The following PPP1R13L variants were observed in gnomAD, a reference collection of about 807,000 sequenced individuals.
PPP1R13L encodes the protein protein phosphatase 1 regulatory subunit 13 like, also known as relA-associated inhibitor.
PPP1R13L carries 50 observed loss-of-function variants against 80.9 expected under a neutral mutation model. That is an observed-to-expected ratio of 0.62 (90% confidence interval 0.49 to 0.78). PPP1R13L has a LOEUF of 0.78. Ranked by LOEUF, PPP1R13L falls within the 30% of genes least tolerant of loss-of-function variation. PPP1R13L has a pLI of 0.00. For missense variants in PPP1R13L, 1,200 were observed against 1,205.9 expected (o/e 1.00, Z 0.07); for synonymous variants, 602 against 534.3 (o/e 1.13, Z -1.75).
intron 8 of PPP1R13L, among the ~76,000 whole-genome samples, chr19:45,391,624 G>C (rs1972974183): frequency 6.6e-6 from 1 of 152,168 alleles, no homozygotes; most frequent in African/African-American, 2.4e-5. Flanking sequence ...CCTGGCTGGA[G>C]GGCAGACTTG....
Position 45,391,965 on chromosome 19 carries a change from G to A in PPP1R13L, c.1730C>T (p.Ala577Val). 6.6e-7 allele frequency: 1 copy of A among 1,518,734 alleles called. No individual in the cohort carries two copies. The highest frequency in any genetic ancestry group is 8.8e-7 in the Non-Finnish European group (1 of 1,135,382). The allele number at this position is 1,518,734 out of a possible 1,614,324, so 94.1% of individuals were successfully genotyped here. A position where few individuals can be genotyped will look rare whatever the true frequency, so the allele number is the denominator to read the frequency against. ...SPITEGSEAR[A>V]GPPAPAPPAP... The stretch of plus-strand genomic sequence containing the variant: ...TGGTGGGGCAGGAGCAGGGGGCCCT[G>A]CCCTGGCCTCAGATCCCTCAGTGAT... Residue 577 changes from alanine (A) to valine (V), a missense_variant, in exon 8 of 13, where the codon GCA (alanine) becomes GTA (valine). Ala to Val is a moderately conservative substitution (Grantham distance 64, BLOSUM62 0). Transcript: ENST00000360957.
At chr19:45,397,861 T>C in intron 3 of PPP1R13L, 144 bp downstream of exon 3, 1 of 1,090,994 alleles carries the variant, frequency 9.2e-7, no homozygotes, top group Non-Finnish European at 1.3e-6. Flanking sequence ...CCATCGCGCC[T>C]GGCCTGGTCC....
At chr19:45,387,250 AG>A (rs1197654768) in intron 8 of PPP1R13L, among the ~76,000 whole-genome samples, 1 of 152,070 alleles carries the variant, frequency 6.6e-6, no homozygotes, top group Admixed American at 6.6e-5. Flanking sequence ...CCTGGGCAAC[AG>A]AGTGAGACCC....
intron 7 of PPP1R13L, 38 bp from the exon 8 acceptor site, chr19:45,392,378 A>G (rs767328247): frequency 6.3e-7 from 1 of 1,593,020 alleles, no homozygotes; most frequent in Non-Finnish European, 8.6e-7. Flanking sequence ...ACAGGTCCCC[A>G]GGAGACACCC....
At chr19:45,393,126 C>G (rs1358262573) in intron 7 of PPP1R13L, 1 of 151,060 alleles carries the variant, frequency 6.6e-6, no homozygotes, top group African/African-American at 2.5e-5. Flanking sequence ...GCGGAGGTTG[C>G]AGTGAGCCGA....
intron 6 of PPP1R13L, 33 bp from the exon 7 acceptor site, chr19:45,395,919 TGA>T: frequency 6.6e-7 from 1 of 1,520,682 alleles, no homozygotes; most frequent in Non-Finnish European, 8.9e-7. Context: ...GGGGATCGGG[TGA>T]GAGAGGGAAG....
In PPP1R13L at chr19:45,386,131, C is replaced by A; in HGVS notation, c.1865G>T (p.Arg622Leu). 1.3e-6 allele frequency: 2 copies of A among 1,545,550 alleles called. No homozygotes were observed. The highest frequency in any genetic ancestry group is 1.8e-4 in the Middle Eastern group (1 of 5,654). ...RKAGSPRKAR[R>L]ARLNPLVLLL... ...GAGCACCAGAGGGTTGAGGCGCGCGCGGCGGGCCTTGCGCGGGGAGCCCGC... is the reference window on the plus strand; with the variant it reads ...GAGCACCAGAGGGTTGAGGCGCGCGAGGCGGGCCTTGCGCGGGGAGCCCGC... Residue 622 changes from arginine (R) to leucine (L), a missense_variant, in exon 9 of 13, where the codon CGC becomes CTC. Transcript: ENST00000360957.
At chr19:45,380,329 A>ACCGT (rs1296453712) in intron 12 of PPP1R13L, 101 bp from the exon 13 acceptor site, 1 of 1,292,118 alleles carries the variant, frequency 7.7e-7, no homozygotes, top group Non-Finnish European at 1.1e-6. Context: ...TCCTAAGGGG[A>ACCGT]CCTCTCAGCA....
intron 1 of PPP1R13L, 61 bp from the exon 2 acceptor site, chr19:45,398,400 G>A: frequency 6.6e-7 from 1 of 1,514,958 alleles, no homozygotes; most frequent in Non-Finnish European, 9.0e-7. Flanking sequence ...CCGCCCTCAG[G>A]GAGTCAGACG....
At chr19:45,382,476 C>T (rs776869001) in intron 12 of PPP1R13L, 51 bp downstream of exon 12, 2 of 1,578,590 alleles carry the variant, frequency 1.3e-6, no homozygotes, top group South Asian at 2.3e-5. Context: ...TCCCCCTTTT[C>T]CCCAACCCCC....
rs749333803 is a variant in PPP1R13L, at chr19:45,382,741, G to C, written c.2249-15C>G. 6.2e-7 allele frequency: 1 copy of C among 1,613,328 alleles called. No individual in the cohort carries two copies. Reference sequence around the variant, plus strand: ...CTGCTCGACGTCTGAAACATGCCACGGAGGGGAAGGTGAGAGCCTGGCCCA... The same window carrying C: ...CTGCTCGACGTCTGAAACATGCCACCGAGGGGAAGGTGAGAGCCTGGCCCA... On this transcript the variant is annotated splice_polypyrimidine_tract_variant and intron_variant, in intron 11 of 12. Coordinates refer to ENST00000360957, the MANE Select transcript of PPP1R13L (RefSeq NM_006663.4).
At chr19:45,398,454 G>T in intron 1 of PPP1R13L, 115 bp from the exon 2 acceptor site, 3 of 1,042,706 alleles carry the variant, frequency 2.9e-6, no homozygotes. Context: ...CCTTCCCCTG[G>T]AAGCCCTTTA....
chr19:45,396,113 C>T lies in PPP1R13L; in HGVS notation c.903+55G>A. 6.5e-7 allele frequency: 1 copy of T among 1,536,372 alleles called. No homozygotes were observed. The highest frequency in any genetic ancestry group is 8.8e-7 in the Non-Finnish European group (1 of 1,139,316). On this transcript the variant is annotated intron_variant, in intron 6 of 12. Coordinates refer to ENST00000360957, the MANE Select transcript of PPP1R13L (RefSeq NM_006663.4). This position sits in a 1 kb window ranked among gnomAD's most constrained non-coding sequence, Gnocchi z 5.3. The stretch of plus-strand genomic sequence containing the variant: ...GGAGACTGGCCTTGACCCCGCTCCC[C>T]CACCCCACTCCTCGACCTTCCCCAG...
Position 45,396,011 on chromosome 19 carries a change from A to T in PPP1R13L, c.904-125T>A. The T allele has an allele frequency of 7.9e-7, 1 of 1,267,854 alleles. No homozygotes were observed. Among genetic ancestry groups the T allele is most frequent in the Non-Finnish European group, 1.1e-6 (1 of 921,018 alleles). 78.5% of individuals were successfully genotyped at this position (1,267,854 alleles called of 1,614,324 possible). ...TGGGAGTGAGGGAGAAGAAAGGGTGAGGAAGGAGCAGAAACCCAGCACAGT... is the reference window on the plus strand; with the variant it reads ...TGGGAGTGAGGGAGAAGAAAGGGTGTGGAAGGAGCAGAAACCCAGCACAGT... On this transcript the variant is annotated intron_variant, in intron 6 of 12. Coordinates refer to ENST00000360957, the MANE Select transcript of PPP1R13L (RefSeq NM_006663.4). This position sits in a 1 kb window ranked among gnomAD's most constrained non-coding sequence, Gnocchi z 5.3.
chr19:45,388,731 AG>A (rs917503289), intron 8 of PPP1R13L, among the ~76,000 whole-genome samples: 6 of 151,588 alleles, frequency 4.0e-5, no homozygotes, highest in African/African-American at 1.5e-4. Context: ...TTAAGAGAAG[AG>A]TTTCCTTTTA....
Position 45,385,557 on chromosome 19 carries a change from C to T in PPP1R13L, c.2248+5G>A, listed in dbSNP as rs757331328. ...TACCCAGGCGCCAGCAGCCCTGCCT[C>T]GCACCTGCCAGGTAGGTGGCGCAGT... is the stretch of plus-strand genomic sequence containing the variant. On this transcript the variant is annotated splice_donor_5th_base_variant and intron_variant, in intron 11 of 12. Transcript: ENST00000360957. The T allele has an allele frequency of 1.2e-6, 2 of 1,608,500 alleles. No individual in the cohort carries two copies. Among genetic ancestry groups the T allele is most frequent in the Admixed American group, 1.7e-5 (1 of 59,788 alleles).
At chr19:45,402,862 T>C (rs1476559482) in intron 1 of PPP1R13L, among the ~76,000 whole-genome samples, 1 of 152,226 alleles carries the variant, frequency 6.6e-6, no homozygotes, top group Non-Finnish European at 1.5e-5. Flanking sequence ...CTAAGGATCC[T>C]GTGGACTTCC....
At chr19:45,392,999 C>G (rs562604015) in intron 7 of PPP1R13L, 1 of 122,158 alleles carries the variant, frequency 8.2e-6, no homozygotes, top group Non-Finnish European at 1.6e-5. Flanking sequence ...AACCCTGTCT[C>G]TACTAAAAAT....
At chr19:45,398,845 AT>A (rs1973170922) in intron 1 of PPP1R13L, among the ~76,000 whole-genome samples, 1 of 151,268 alleles carries the variant, frequency 6.6e-6, no homozygotes, top group South Asian at 2.1e-4. Context: ...TCCTTGAACA[AT>A]TATCTATTGA....
Sources: allele counts gnomAD v4.1 joint callset (sites outside exome capture counted in the v4.1 genomes callset), GRCh38; gene constraint gnomAD v4.1.1; non-coding constraint Gnocchi (gnomAD v3.1); transcripts MANE v1.5; gene names NCBI Gene and HGNC (gene_info 2026-07-23, HGNC 2026-07-21).